The following JHY variants were observed in gnomAD, a reference collection of about 807,000 sequenced individuals.
The protein encoded by JHY is junctional cadherin complex regulator, also known as jhy protein homolog.
JHY carries 69 observed loss-of-function variants against 78.0 expected under a neutral mutation model. The ratio of observed to expected loss-of-function variants is 0.88; its 90% CI spans 0.73 to 1.08. The LOEUF is 1.08. Among genes scored for constraint, JHY ranks in the 50% least tolerant of loss-of-function variants. JHY has a pLI of 0.00. For missense variants in JHY, 944 were observed against 927.8 expected (o/e 1.02, Z -0.23); for synonymous variants, 368 against 342.6 (o/e 1.07, Z -0.82).
intron 2 of JHY, among the ~76,000 whole-genome samples, chr11:122,900,404 A>G (rs1862825823): frequency 1.3e-5 from 2 of 150,050 alleles, no homozygotes; most frequent in South Asian, 4.2e-4. Flanking sequence ...GGTGATTTAC[A>G]TTTTCTTTTT....
At position 122,904,104 on chromosome 11, in the gene JHY, G is replaced by A; in HGVS notation, c.524G>A (p.Gly175Glu). Residue 175 changes from glycine to glutamate, a missense_variant, in exon 3 of 9, where the codon GGG (glycine) becomes GAG (glutamate). Coordinates refer to ENST00000227349, the MANE Select transcript of JHY (RefSeq NM_024806.4). ...PSQETSMELS[G>E]GKGEQKESPQ... Reference sequence around the variant, plus strand: ...CAGGAGACGTCAATGGAACTCTCCGGGGGAAAAGGCGAGCAGAAAGAGAGT... The same window carrying A: ...CAGGAGACGTCAATGGAACTCTCCGAGGGAAAAGGCGAGCAGAAAGAGAGT... 1 of 1,614,128 alleles carries A rather than the reference G, an allele frequency of 6.2e-7. No individual in the cohort carries two copies. The highest frequency in any genetic ancestry group is 1.1e-5 in the South Asian group (1 of 91,070).
chr11:122,954,360 T>C (rs1864149354), intron 6 of JHY, among the ~76,000 whole-genome samples: 1 of 152,202 alleles, frequency 6.6e-6, no homozygotes, highest in Admixed American at 6.5e-5. Flanking sequence ...AGAATGTTTG[T>C]CTTTTGAACA....
chr11:122,894,136 C>T (rs1278297178), intron 2 of JHY, among the ~76,000 whole-genome samples: 1 of 152,030 alleles, frequency 6.6e-6, no homozygotes, highest in Admixed American at 6.6e-5. Context: ...GCCTGGCCAA[C>T]ATAGTGAAAC....
chr11:122,933,809 T>G (rs1184395750), intron 4 of JHY, among the ~76,000 whole-genome samples: 1 of 152,214 alleles, frequency 6.6e-6, no homozygotes, highest in Non-Finnish European at 1.5e-5. Flanking sequence ...TAAAGCAAAT[T>G]ATTAGTGTTT....
intron 4 of JHY, among the ~76,000 whole-genome samples, chr11:122,927,622 C>A (rs1863536417): frequency 6.6e-6 from 1 of 152,198 alleles, no homozygotes; most frequent in Non-Finnish European, 1.5e-5. Flanking sequence ...TGCTCCTCTG[C>A]CCTCAGCTCC....
At chr11:122,892,613 C>T (rs1035742150) in intron 2 of JHY, among the ~76,000 whole-genome samples, 3 of 152,104 alleles carry the variant, frequency 2.0e-5, no homozygotes, top group Non-Finnish European at 4.4e-5. Context: ...TGAGCCACCG[C>T]GCCTGGCCAA....
At chr11:122,933,611 G>C (rs1008484012) in intron 4 of JHY, among the ~76,000 whole-genome samples, 3 of 152,186 alleles carry the variant, frequency 2.0e-5, no homozygotes, top group Non-Finnish European at 4.4e-5. Context: ...GCTATATTAA[G>C]GAACAGAAGC....
intron 2 of JHY, among the ~76,000 whole-genome samples, chr11:122,889,919 C>G (rs1311098328): frequency 6.6e-6 from 1 of 152,052 alleles, no homozygotes. Context: ...CTAACTTTTT[C>G]TACTTTTAGT....
At chr11:122,921,057 A>C (rs979070967) in intron 3 of JHY, among the ~76,000 whole-genome samples, 6 of 151,686 alleles carry the variant, frequency 4.0e-5, no homozygotes, top group African/African-American at 1.5e-4. Flanking sequence ...AATAGCTGGC[A>C]GAGGTTGTGT....
intron 4 of JHY, 57 bp downstream of exon 4, chr11:122,925,067 A>T: frequency 7.6e-7 from 1 of 1,313,574 alleles, no homozygotes; most frequent in Non-Finnish European, 1.1e-6. Context: ...GAATATAAGT[A>T]ATGATCGTGA....
intron 1 of JHY, among the ~76,000 whole-genome samples, chr11:122,885,537 G>A (rs1196136425): frequency 1.3e-5 from 2 of 152,158 alleles, no homozygotes; most frequent in East Asian, 3.8e-4. Flanking sequence ...CAATAAAACT[G>A]CATTCGATTA....
chr11:122,905,489 A>G, intron 3 of JHY: 1 of 1,206,488 alleles, frequency 8.3e-7, no homozygotes, highest in South Asian at 3.8e-5. Flanking sequence ...ACCTGTTCTA[A>G]CCTCTAAGCA....
In JHY at chr11:122,962,336, A is replaced by G. The variant is rs1345460946; in HGVS notation, c.*2891A>G. ...TACTCCTATGTTGTATACATTTTAC[A>G]TATACCAAAATGTAGCATAAAAGAT... On this transcript the variant is annotated 3_prime_UTR_variant, in exon 9 of 9. Transcript: ENST00000227349. 6.6e-6 allele frequency among the ~76,000 whole-genome samples: 1 copy of G among 152,224 alleles called. No homozygotes were observed. The highest frequency in any genetic ancestry group is 1.9e-4 in the East Asian group (1 of 5,198).
rs775156566 is a variant in JHY, at chr11:122,956,541, G to T, written c.1975G>T (p.Gly659Cys). 1 of 1,613,692 alleles carries T rather than the reference G, an allele frequency of 6.2e-7. No homozygotes were observed. The highest frequency in any genetic ancestry group is 1.1e-5 in the South Asian group (1 of 91,038). ...TCAGAAAAGAGACGTGAAGCTTGGA[G>T]GCCTCGGACCTGACTTTGAGTCCAT... Reference protein sequence around the residue: ...GYQKRDVKLGGLGPDFESIRD... With the variant: ...GYQKRDVKLGCLGPDFESIRD... The change falls in exon 7 of 9, where the codon GGC (glycine) becomes TGC (cysteine). Residue 659 changes from glycine (G) to cysteine (C), a missense_variant. Transcript: ENST00000227349.
intron 3 of JHY, among the ~76,000 whole-genome samples, chr11:122,908,505 C>T (rs77545103): frequency 0.034 from 5,202 of 152,150 alleles, 143 homozygotes; most frequent in Non-Finnish European, 0.05. Context: ...GGCTGGTGGT[C>T]CATGGACCTC....
intron 3 of JHY, among the ~76,000 whole-genome samples, chr11:122,921,056 C>G (rs978304750): frequency 3.3e-5 from 5 of 151,736 alleles, no homozygotes; most frequent in Admixed American, 1.3e-4. Context: ...AAATAGCTGG[C>G]AGAGGTTGTG....
intron 3 of JHY, among the ~76,000 whole-genome samples, chr11:122,908,554 G>T (rs553671332): frequency 6.6e-6 from 1 of 152,180 alleles, no homozygotes; most frequent in African/African-American, 2.4e-5. Flanking sequence ...GAACACAAAG[G>T]TTTTATCAAA....
Position 122,959,250 on chromosome 11 carries a change from T to C in JHY, c.2142T>C (p.Ala714=). 6.2e-7 allele frequency: 1 copy of C among 1,613,430 alleles called. No individual in the cohort carries two copies. Among genetic ancestry groups the C allele is most frequent in the South Asian group, 1.1e-5 (1 of 90,888 alleles). Residue 714 remains alanine, a splice_region_variant and synonymous_variant, in exon 9 of 9, where the codon GCT becomes GCC. Transcript: ENST00000227349. ...AAATTTCATCTTTATGCGTTTAGGC[T>C]TTGGAATACGCTAAGACCATCCCCA... The part of the protein sequence containing the change: ...QKKSAIPRQK[A]LEYAKTIPKP...
At chr11:122,919,463 CT>C (rs1477690564) in intron 3 of JHY, among the ~76,000 whole-genome samples, 1 of 151,882 alleles carries the variant, frequency 6.6e-6, no homozygotes, top group Non-Finnish European at 1.5e-5. Flanking sequence ...AATGGTGCCC[CT>C]GGCGCATCAG....
Sources: gnomAD v4.1 joint callset for allele counts (sites outside exome capture counted in the v4.1 genomes callset) on GRCh38, gnomAD v4.1.1 for gene constraint, MANE v1.5 for transcripts, NCBI Gene and HGNC (gene_info 2026-07-23, HGNC 2026-07-21) for gene names.